The following HS6ST3 variants were observed in gnomAD, a reference collection of about 807,000 sequenced individuals.
HS6ST3 encodes the protein heparan-sulfate 6-O-sulfotransferase 3.
In HS6ST3, 12 loss-of-function variants were observed where a neutral mutation model predicts 36.7. The ratio of observed to expected loss-of-function variants is 0.33; its 90% confidence interval spans 0.21 to 0.53. HS6ST3 has a LOEUF of 0.53. Among genes scored for constraint, HS6ST3 ranks in the 20% least tolerant of loss-of-function variants. The pLI, the probability that HS6ST3 is intolerant of heterozygous loss-of-function variation, is 0.95. For synonymous variants in HS6ST3, 240 were observed against 257.5 expected, an observed-to-expected ratio of 0.93 and a Z score of 0.65; for missense variants, 584 against 640.9, an observed-to-expected ratio of 0.91 and a Z score of 0.96.
intron 1 of HS6ST3, among the ~76,000 whole-genome samples, chr13:96,650,937 G>A (rs1193456485): frequency 1.3e-5 from 2 of 151,970 alleles, no homozygotes; most frequent in African/African-American, 4.8e-5. Flanking sequence ...CACAGAAATA[G>A]CCTGTTCTTT....
intron 1 of HS6ST3, among the ~76,000 whole-genome samples, chr13:96,307,308 CAG>C (rs762447479): frequency 1.3e-5 from 2 of 152,056 alleles, no homozygotes; most frequent in African/African-American, 4.8e-5. Flanking sequence ...ATCCTCGAAA[CAG>C]AGAGCAATAG....
chr13:96,209,959 G>A (rs1347509903), intron 1 of HS6ST3, among the ~76,000 whole-genome samples: 1 of 152,112 alleles, frequency 6.6e-6, no homozygotes, highest in African/African-American at 2.4e-5. Flanking sequence ...TTCTTTGTCT[G>A]CCTTCCCCAA....
chr13:96,692,687 T>G (rs1304718796), intron 1 of HS6ST3, among the ~76,000 whole-genome samples: 1 of 152,204 alleles, frequency 6.6e-6, no homozygotes, highest in Non-Finnish European at 1.5e-5. Flanking sequence ...ATAGCGGATG[T>G]TCATTTTTCA....
At chr13:96,146,397 A>G (rs929061200) in intron 1 of HS6ST3, among the ~76,000 whole-genome samples, 9 of 152,014 alleles carry the variant, frequency 5.9e-5, no homozygotes, top group Non-Finnish European at 1.2e-4. Context: ...ATTCCTAGGT[A>G]TTTTATTCTC....
chr13:96,344,597 TTGG>T (rs2055144872), intron 1 of HS6ST3, among the ~76,000 whole-genome samples: 1 of 152,242 alleles, frequency 6.6e-6, no homozygotes, highest in Non-Finnish European at 1.5e-5. Context: ...ATATTGCATT[TTGG>T]TGTGTGTTTA....
chr13:96,197,569 T>C (rs1367833756), intron 1 of HS6ST3, among the ~76,000 whole-genome samples: 1 of 152,132 alleles, frequency 6.6e-6, no homozygotes, highest in Non-Finnish European at 1.5e-5. Context: ...CAAAAGTCCA[T>C]AGTCCAAAGT....
Position 96,800,014 on chromosome 13 carries a change from G to GTA in HS6ST3, c.708-32464_708-32463dup, listed in dbSNP as rs1378792108. On this transcript the variant is annotated intron_variant, in intron 1 of 1. Transcript: ENST00000376705. ...TATATATATGTATATATATATATAT[G>GTA]TATATATATATATGGAAGAGAGAAA... Among the ~76,000 whole-genome samples the GTA allele has an allele frequency of 8.0e-4, 94 of 117,022 alleles. 1 individual carries two copies. The highest frequency in any genetic ancestry group is 2.2e-3 in the African/African-American group (67 of 29,956). 76.8% of individuals were successfully genotyped at this position (117,022 alleles called of 152,430 possible).
intron 1 of HS6ST3, among the ~76,000 whole-genome samples, chr13:96,284,487 G>A (rs1030997708): frequency 2.6e-5 from 4 of 152,184 alleles, no homozygotes; most frequent in Admixed American, 2.0e-4. Flanking sequence ...AGAGGTCTAA[G>A]TCAGTCTAGT....
chr13:96,676,846 T>G (rs1483846420), intron 1 of HS6ST3, among the ~76,000 whole-genome samples: 3 of 152,188 alleles, frequency 2.0e-5, no homozygotes. Flanking sequence ...GGCTGTGATT[T>G]GTTCCTCAAA....
intron 1 of HS6ST3, among the ~76,000 whole-genome samples, chr13:96,496,874 A>G (rs1271634745): frequency 6.6e-6 from 1 of 152,180 alleles, no homozygotes; most frequent in East Asian, 1.9e-4. Flanking sequence ...GTGGGGATGG[A>G]AAGAAAGCCA....
chr13:96,768,184 C>A (rs1448634006), intron 1 of HS6ST3, among the ~76,000 whole-genome samples: 1 of 152,202 alleles, frequency 6.6e-6, no homozygotes, highest in Non-Finnish European at 1.5e-5. Context: ...CTCCTCCTCT[C>A]TTTGTTTACC....
chr13:96,169,809 T>G (rs1428778270), intron 1 of HS6ST3: 1 of 152,236 alleles, frequency 6.6e-6, no homozygotes, highest in African/African-American at 2.4e-5. Context: ...GAATAGCCAC[T>G]GCACTCCCGC....
rs190448454 is a variant in HS6ST3 at position 96,173,870 on chromosome 13, T to C, written c.707+82301T>C. ...GGATAGTAATGTATTTGTATTATTATGGTTAGTTACATGGCAAAGAGAGCA... is the reference window on the plus strand; with the variant it reads ...GGATAGTAATGTATTTGTATTATTACGGTTAGTTACATGGCAAAGAGAGCA... On this transcript the variant is annotated intron_variant, in intron 1 of 1. Coordinates refer to ENST00000376705, the MANE Select transcript of HS6ST3 (RefSeq NM_153456.4). Among the ~76,000 whole-genome samples the C allele has an allele frequency of 2.6e-3, 394 of 152,140 alleles. 3 individuals carry two copies. The highest frequency in any genetic ancestry group is 8.4e-3 in the African/African-American group (350 of 41,536).
At chr13:96,470,538 C>T (rs2055835508) in intron 1 of HS6ST3, among the ~76,000 whole-genome samples, 1 of 152,092 alleles carries the variant, frequency 6.6e-6, no homozygotes, top group Admixed American at 6.5e-5. Flanking sequence ...GAAGCCCTTC[C>T]CACTTAAACA....
At chr13:96,582,635 C>A (rs570407330) in intron 1 of HS6ST3, among the ~76,000 whole-genome samples, 2 of 152,226 alleles carry the variant, frequency 1.3e-5, no homozygotes, top group African/African-American at 4.8e-5. Flanking sequence ...ATGTAAATTT[C>A]AGAATTGATT....
intron 1 of HS6ST3, among the ~76,000 whole-genome samples, chr13:96,301,728 C>CA (rs2054883000): frequency 2.6e-5 from 4 of 151,864 alleles, no homozygotes; most frequent in Non-Finnish European, 5.9e-5. Context: ...CCCATCTCTA[C>CA]TAAAAATACA....
chr13:96,427,643 C>T (rs2055593817), intron 1 of HS6ST3, among the ~76,000 whole-genome samples: 1 of 152,078 alleles, frequency 6.6e-6, no homozygotes. Context: ...ATTCAGCTTT[C>T]CCTAATATTT....
intron 1 of HS6ST3, among the ~76,000 whole-genome samples, chr13:96,280,977 A>G (rs1257040705): frequency 6.6e-6 from 1 of 152,126 alleles, no homozygotes; most frequent in East Asian, 1.9e-4. Context: ...AGCTCTTTTT[A>G]GCATACTCCC....
At chr13:96,574,175 G>T (rs1398491545) in intron 1 of HS6ST3, 2 of 523,878 alleles carry the variant, frequency 3.8e-6, no homozygotes, top group East Asian at 5.2e-5. Flanking sequence ...AATCTGAGAG[G>T]GGCTGCGTAA....
Sources: gnomAD v4.1 joint callset for allele counts (sites outside exome capture counted in the v4.1 genomes callset) on GRCh38, gnomAD v4.1.1 for gene constraint, MANE v1.5 for transcripts, NCBI Gene and HGNC (gene_info 2026-07-23, HGNC 2026-07-21) for gene names.